The following FLII variants were observed in gnomAD, a reference collection of about 807,000 sequenced individuals.
The protein encoded by FLII is protein flightless-1 homolog.
A neutral mutation model predicts 156.2 loss-of-function variants in FLII; 101 were observed. The ratio of observed to expected loss-of-function variants is 0.65; its 90% confidence interval spans 0.55 to 0.76. The LOEUF (loss-of-function observed/expected upper bound fraction) is 0.76, where lower values mean the gene tolerates loss of function less well. FLII is among the 30% of genes least tolerant of loss of function. FLII has a pLI of 0.00. For synonymous variants in FLII, 767 were observed against 685.8 expected, an observed-to-expected ratio of 1.12 and a Z score of -1.85; for missense variants, 1,675 against 1,682.8, an observed-to-expected ratio of 1.00 and a Z score of 0.08.
At position 18,252,079 on chromosome 17, in the gene FLII, C is replaced by A. The variant is rs763127772; in HGVS notation, c.1166G>T (p.Trp389Leu). 6.2e-7 allele frequency: 1 copy of A among 1,613,454 alleles called. No individual in the cohort carries two copies. The highest frequency in any genetic ancestry group is 1.1e-5 in the South Asian group (1 of 91,088). Residue 389 changes from tryptophan to leucine, a missense_variant, in exon 11 of 30, where the codon TGG becomes TTG. By Grantham distance (61) the Trp-to-Leu change is moderately conservative (BLOSUM62 -2). Transcript: ENST00000327031. ...CTGCAGCGAGAAGTCGATGTTGTAC[C>A]ACTCAGCGGCACGGTCTGCGGGCTT... ...PPKPADRAAE[W>L]YNIDFSLQNQ...
Position 18,246,804 on chromosome 17 carries a change from C to T in FLII, c.2841G>A (p.Glu947=), listed in dbSNP as rs202103078. Residue 947 remains glutamate, a synonymous_variant, in exon 23 of 30, where the codon GAG becomes GAA. Coordinates refer to ENST00000327031, the MANE Select transcript of FLII (RefSeq NM_002018.4). ...LCRYWVPVEY[E]EEEKKEDKEE... ...CCTTGTCTTCCTTCTTTTCCTCCTC[C>T]TCGTACTCCACAGGCACCCAGTACC... 1.2e-6 allele frequency: 2 copies of T among 1,614,094 alleles called. No homozygotes were observed.
chr17:18,256,777 A>G (rs2048431449), intron 2 of FLII, 132 bp downstream of exon 2: 2 of 778,472 alleles, frequency 2.6e-6, no homozygotes, highest in East Asian at 2.7e-5. Context: ...CAGGGTGCCC[A>G]CTCCCTTTCT....
Position 18,244,942 on chromosome 17 carries a change from GGA to G in FLII, c.*194_*195del, listed in dbSNP as rs1003087994. On this transcript the variant is annotated 3_prime_UTR_variant, in exon 30 of 30. Coordinates refer to ENST00000327031, the MANE Select transcript of FLII (RefSeq NM_002018.4). ...GGCTTCACACGTGCACTCACACTGT[GGA>G]GAGAGTTGGATTTCCCAGACCCCTG... 1.6e-6 allele frequency: 1 copy of G among 643,356 alleles called. No individual in the cohort carries two copies. Among genetic ancestry groups the G allele is most frequent in the South Asian group, 2.0e-5 (1 of 48,948 alleles). The allele number at this position is 643,356 out of a possible 1,614,324, so 39.9% of individuals were successfully genotyped here. A position where few individuals can be genotyped will look rare whatever the true frequency, so the allele number is the denominator to read the frequency against.
chr17:18,245,397 T>G lies in FLII; in HGVS notation c.3632A>C (p.Gln1211Pro). The G allele has an allele frequency of 6.2e-7, 1 of 1,614,164 alleles. No homozygotes were observed. Among genetic ancestry groups the G allele is most frequent in the Non-Finnish European group, 8.5e-7 (1 of 1,180,012 alleles). ...CAGCTTGATCTCCACCTGGCTAGTC[T>G]GGGTCCCCACCCACATGTAGACCTG... ...GQEVYMWVGT[Q>P]TSQVEIKLSL... The change falls in exon 29 of 30, where the codon CAG (glutamine) becomes CCG (proline). Residue 1211 changes from glutamine to proline, a missense_variant. Gln to Pro is a moderately conservative substitution (Grantham distance 76, BLOSUM62 -1). Transcript: ENST00000327031.
At position 18,246,989 on chromosome 17, in the gene FLII, C is replaced by G. The variant is rs767037746; in HGVS notation, c.2740G>C (p.Gly914Arg). The G allele has an allele frequency of 8.7e-6, 14 of 1,614,140 alleles. No homozygotes were observed. The highest frequency in any genetic ancestry group is 1.2e-5 in the Non-Finnish European group (14 of 1,180,018). ...TCCGGCAGCCGCGCAAACTTCTTGC[C>G]CTCCAGCACGAAACCCTCCATGCCG... ...LDGMEGFVLE[G>R]KKFARLPEEE... is the part of the protein sequence containing the mutation. The change falls in exon 22 of 30, where the codon GGC (glycine) becomes CGC (arginine). Residue 914 changes from glycine to arginine, a missense_variant. Physicochemically the swap from Gly to Arg is moderately radical, Grantham distance 125 (BLOSUM62 -2). Around this residue, in one of 2 missense-constraint regions of FLII, gnomAD observed 1,332 missense variants for 1,269.3 expected, o/e 1.05. Coordinates refer to ENST00000327031, the MANE Select transcript of FLII (RefSeq NM_002018.4).
In FLII at chr17:18,245,558, T is replaced by G. The variant is rs1452004979; in HGVS notation, c.3606A>C (p.Gln1202His). The change falls in exon 28 of 30, where the codon CAA becomes CAC. Residue 1202 changes from glutamine to histidine, a missense_variant. This residue lies in a region of FLII where 1,332 missense variants were observed against 1,269.3 expected (regional missense o/e 1.05). Transcript: ENST00000327031. ...DDDIMLLDNG[Q>H]EVYMWVGTQT... ...AGGGCTAGTGGCAACATCACACCTC[T>G]TGGCCATTGTCTAGCAACATGATGT... 3 of 1,613,718 alleles carry G rather than the reference T, an allele frequency of 1.9e-6. No individual in the cohort carries two copies. The African/African-American group carries it at 4.0e-5, about 22-fold the overall frequency.
At position 18,250,875 on chromosome 17, in the gene FLII, C is replaced by G; in HGVS notation, c.1739G>C (p.Arg580Pro). Reference sequence around the variant, plus strand: ...CTCGCTCTCATCGCCCATCTCCTCCCGGACAGTGCGGCACTCAGCACCCAG... The same window carrying G: ...CTCGCTCTCATCGCCCATCTCCTCCGGGACAGTGCGGCACTCAGCACCCAG... The part of the protein sequence containing the change: ...NYLGAECRTV[R>P]EEMGDESEEF... Residue 580 changes from arginine (R) to proline (P), a missense_variant, in exon 14 of 30, where the codon CGG becomes CCG. By Grantham distance (103) the Arg-to-Pro change is moderately radical. Transcript: ENST00000327031. The G allele has an allele frequency of 1.2e-6, 2 of 1,614,026 alleles. No homozygotes were observed. The highest frequency in any genetic ancestry group is 1.7e-6 in the Non-Finnish European group (2 of 1,179,988).
chr17:18,251,198 G>C (rs888266818), intron 13 of FLII, 67 bp downstream of exon 13: 51 of 1,543,904 alleles, frequency 3.3e-5, no homozygotes, highest in Non-Finnish European at 4.2e-5. Flanking sequence ...CTCTGGAGTT[G>C]GGGACTGAGC....
intron 1 of FLII, among the ~76,000 whole-genome samples, chr17:18,257,587 G>A (rs753381315): frequency 1.3e-5 from 2 of 152,224 alleles, no homozygotes; most frequent in African/African-American, 2.4e-5. Context: ...GGGGCAGTAG[G>A]TGCCTTCAGT....
intron 18 of FLII, among the ~76,000 whole-genome samples, chr17:18,248,346 A>G (rs113243864): frequency 1.3e-5 from 2 of 152,150 alleles, no homozygotes; most frequent in African/African-American, 4.8e-5. Context: ...CTACGGCCCC[A>G]CCATCCTGGA....
intron 20 of FLII, 39 bp downstream of exon 20, chr17:18,247,618 A>C: frequency 6.6e-7 from 1 of 1,515,342 alleles, no homozygotes; most frequent in Non-Finnish European, 8.8e-7. Flanking sequence ...TCAGGGTGCG[A>C]AGGATCCTGG....
At chr17:18,254,225 G>C in intron 6 of FLII, 43 bp from the exon 7 acceptor site, 1 of 1,484,622 alleles carries the variant, frequency 6.7e-7, no homozygotes, top group Non-Finnish European at 9.2e-7. Context: ...GCCCACCTAG[G>C]GAGTGTTAAG....
chr17:18,252,641 A>G (rs901526745), intron 9 of FLII, 85 bp from the exon 10 acceptor site: 2 of 1,074,840 alleles, frequency 1.9e-6, no homozygotes, highest in African/African-American at 3.1e-5. Context: ...TGGGGAGGGG[A>G]GGCAGGTAGG....
rs751793927 is a variant in FLII, at chr17:18,245,159, G to T, written c.3789C>A (p.Ala1263=). 1 of 1,613,442 alleles carries T rather than the reference G, an allele frequency of 6.2e-7. No individual in the cohort carries two copies. The highest frequency in any genetic ancestry group is 8.5e-7 in the Non-Finnish European group (1 of 1,179,740). Residue 1263 remains alanine (A), a synonymous_variant, in exon 30 of 30, where the codon GCC becomes GCA. Transcript: ENST00000327031. ...TGTCTTAGGCCAGGGCCTTGCAGAA[G>T]GCGCTCCAGGCGTGGAAGCAGCGGG... ...AFTRCFHAWS[A]FCKALA
Position 18,253,653 on chromosome 17 carries a change from C to T in FLII, c.746G>A (p.Arg249His), listed in dbSNP as rs369155836. ...PECLYTLPSL[R>H]RLNLSSNQIT... The stretch of plus-strand genomic sequence containing the variant: ...CTGGTTGCTGCTGAGGTTGAGGCGG[C>T]GCAGGCTGGGGAGGGTGTACAGACA... Residue 249 changes from arginine to histidine, a missense_variant, in exon 8 of 30, where the codon CGC (arginine) becomes CAC (histidine). By Grantham distance (29) the Arg-to-His change is conservative. Around this residue, in one of 2 missense-constraint regions of FLII, gnomAD observed 343 missense variants for 413.5 expected, o/e 0.83. Transcript: ENST00000327031. The T allele has an allele frequency of 3.0e-5, 48 of 1,613,706 alleles. No homozygotes were observed. Among genetic ancestry groups the T allele is most frequent in the African/African-American group, 2.5e-4 (19 of 74,898 alleles).
At chr17:18,252,233 C>T in intron 10 of FLII, 87 bp from the exon 11 acceptor site, 1 of 1,308,238 alleles carries the variant, frequency 7.6e-7, no homozygotes, top group Non-Finnish European at 1.1e-6. Flanking sequence ...TTGTCTGCAG[C>T]CGCCAGGGCT....
chr17:18,252,173 C>T (rs2048293579), intron 10 of FLII, 27 bp from the exon 11 acceptor site: 1 of 1,599,086 alleles, frequency 6.3e-7, no homozygotes, highest in Admixed American at 1.7e-5. Context: ...GCAGAGCCGG[C>T]ACTGAGCCTG....
At chr17:18,247,432 G>A in intron 20 of FLII, 75 bp from the exon 21 acceptor site, 2 of 1,420,624 alleles carry the variant, frequency 1.4e-6, no homozygotes, top group Non-Finnish European at 9.7e-7. Context: ...CGAGGCTTGA[G>A]GCGGGACCCA....
chr17:18,258,806 C>T, upstream of FLII: 1 of 588,340 alleles, frequency 1.7e-6, no homozygotes, highest in Non-Finnish European at 2.4e-6. The surrounding 1 kb of genome is among the most constrained non-coding windows in gnomAD (Gnocchi z 4.2). Flanking sequence ...CCCGCGCCCG[C>T]CGCATTCCGC....
Sources: gnomAD v4.1 joint callset for allele counts (sites outside exome capture counted in the v4.1 genomes callset) on GRCh38, gnomAD v4.1.1 for gene constraint, gnomAD v4.1.1 regional missense constraint, Gnocchi (gnomAD v3.1) non-coding constraint, MANE v1.5 for transcripts, NCBI Gene and HGNC (gene_info 2026-07-23, HGNC 2026-07-21) for gene names.